PPP6R3: variants seen among roughly 807,000 people sequenced by gnomAD.
PPP6R3 encodes serine/threonine-protein phosphatase 6 regulatory subunit 3.
In PPP6R3, 38 loss-of-function variants were observed where a neutral mutation model predicts 110.7. The ratio of observed to expected loss-of-function variants is 0.34; its 90% confidence interval spans 0.26 to 0.45. The LOEUF (loss-of-function observed/expected upper bound fraction) is 0.45. Ranked by LOEUF, PPP6R3 falls within the 20% of genes least tolerant of loss-of-function variation. The pLI, the probability that PPP6R3 is intolerant of heterozygous loss-of-function variation, is 1.00. For missense variants in PPP6R3, 870 were observed against 1,062.4 expected (o/e 0.82, Z 2.52); for synonymous variants, 369 against 373.5 (o/e 0.99, Z 0.14).
intron 12 of PPP6R3, among the ~76,000 whole-genome samples, chr11:68,573,035 A>G (rs1349261850): frequency 6.8e-6 from 1 of 147,532 alleles, no homozygotes; most frequent in Non-Finnish European, 1.5e-5. Flanking sequence ...GCAGTCAAAA[A>G]TCTTTCGTTT....
intron 1 of PPP6R3, among the ~76,000 whole-genome samples, chr11:68,501,238 T>G (rs1481020775): frequency 6.6e-6 from 1 of 152,212 alleles, no homozygotes; most frequent in African/African-American, 2.4e-5. Flanking sequence ...TGTTCTCCAG[T>G]CTCTTTCTTT....
rs115175495 is a variant in PPP6R3, at chr11:68,548,849, G to C, written c.552+645G>C. Among the ~76,000 whole-genome samples, 1,176 of 152,158 alleles carry C rather than the reference G, an allele frequency of 7.7e-3. 18 individuals carry two copies. Among genetic ancestry groups the C allele is most frequent in the African/African-American group, 0.027 (1,112 of 41,508 alleles). ...AACTTGAAAATAAGGTTTCTCCCAG[G>C]CTCCCATCTCTGCCTTCTCTTCTTG... On this transcript the variant is annotated intron_variant, in intron 5 of 23. Transcript: ENST00000393800.
intron 8 of PPP6R3, among the ~76,000 whole-genome samples, chr11:68,562,003 G>A (rs1593180426): frequency 6.6e-6 from 1 of 151,164 alleles, no homozygotes; most frequent in East Asian, 1.9e-4. Context: ...GACTGCATCT[G>A]TTTACAGATG....
At chr11:68,527,799 C>T (rs2099208219) in intron 2 of PPP6R3, among the ~76,000 whole-genome samples, 1 of 152,232 alleles carries the variant, frequency 6.6e-6, no homozygotes, top group Non-Finnish European at 1.5e-5. Context: ...ATCCTACCAC[C>T]TACCCAAAGG....
At position 68,615,302 on chromosome 11, in the gene PPP6R3, C is replaced by CAAA. The variant is rs1945077345; in HGVS notation, c.*2188_*2190dup. Reference sequence around the variant, plus strand: ...AATACAATACCTGTATTCAAAATAACAAAAATAAAGCCTGATTCTTTGTTT... The same window carrying CAAA: ...AATACAATACCTGTATTCAAAATAACAAAAAAAATAAAGCCTGATTCTTTGTTT... On this transcript the variant is annotated 3_prime_UTR_variant, in exon 24 of 24. Transcript: ENST00000393800. 2.8e-6 allele frequency: 1 copy of CAAA among 352,832 alleles called. No individual in the cohort carries two copies. Among genetic ancestry groups the CAAA allele is most frequent in the Admixed American group, 3.8e-5 (1 of 26,468 alleles). The allele number at this position is 352,832 out of a possible 1,614,324, so 21.9% of individuals were successfully genotyped here. A position where few individuals can be genotyped will look rare whatever the true frequency, so the allele number is the denominator to read the frequency against.
In PPP6R3 at chr11:68,613,560, A is replaced by C; in HGVS notation, c.*443A>C. 1.0e-6 allele frequency: 1 copy of C among 986,258 alleles called. No individual in the cohort carries two copies. The allele number at this position is 986,258 out of a possible 1,614,324, so 61.1% of individuals were successfully genotyped here. On this transcript the variant is annotated 3_prime_UTR_variant, in exon 24 of 24. Coordinates refer to ENST00000393800, the MANE Select transcript of PPP6R3 (RefSeq NM_001164161.2). ...TCACCTTGTACAAAATTATGAATTC[A>C]TTTTTCCTCCAGGCCGACAAGGAGT... is the stretch of plus-strand genomic sequence containing the variant.
At chr11:68,600,303 G>A in intron 19 of PPP6R3, 38 bp from the exon 20 acceptor site, 2 of 1,592,568 alleles carry the variant, frequency 1.3e-6, no homozygotes, top group Non-Finnish European at 1.7e-6. Context: ...TGAAACGACT[G>A]AAGTGTTTTC....
chr11:68,609,823 A>ATCTGCATGTGACCTCATCC, intron 22 of PPP6R3, 81 bp from the exon 23 acceptor site: 1 of 1,600,032 alleles, frequency 6.2e-7, no homozygotes, highest in Non-Finnish European at 8.5e-7. Flanking sequence ...CTCCAGAGCC[A>ATCTGCATGTGACCTCATCC]TCTGCATGTG....
intron 23 of PPP6R3, among the ~76,000 whole-genome samples, chr11:68,610,959 C>T (rs1943117283): frequency 1.3e-5 from 2 of 151,730 alleles, no homozygotes; most frequent in African/African-American, 4.9e-5. Context: ...GTGTAGCAAG[C>T]TGTTTGTGTT....
At chr11:68,610,107 G>T in intron 23 of PPP6R3, 84 bp downstream of exon 23, 2 of 1,548,242 alleles carry the variant, frequency 1.3e-6, no homozygotes, top group Non-Finnish European at 1.7e-6. Context: ...GGACTATAGG[G>T]ATCGTTTACA....
intron 2 of PPP6R3, among the ~76,000 whole-genome samples, chr11:68,536,509 C>A (rs2099271784): frequency 6.6e-6 from 1 of 152,068 alleles, no homozygotes; most frequent in African/African-American, 2.4e-5. Context: ...AAGTGATGCT[C>A]CCGCCTTGTG....
intron 2 of PPP6R3, among the ~76,000 whole-genome samples, chr11:68,536,795 T>C (rs906811473): frequency 6.6e-6 from 1 of 152,194 alleles, no homozygotes; most frequent in Non-Finnish European, 1.5e-5. Context: ...GTTTAGGAAT[T>C]CTGCAGTGAG....
chr11:68,574,073 C>T (rs771314253), intron 12 of PPP6R3, 36 bp from the exon 13 acceptor site: 2 of 1,450,024 alleles, frequency 1.4e-6, no homozygotes, highest in Admixed American at 1.7e-5. Context: ...TTCATCCTAT[C>T]AGGAATCTGA....
Position 68,519,567 on chromosome 11 carries a change from A to T in PPP6R3, c.-91A>T, listed in dbSNP as rs1245524309. The T allele has an allele frequency of 2.5e-6, 1 of 398,440 alleles. No individual in the cohort carries two copies. Among genetic ancestry groups the T allele is most frequent in the Non-Finnish European group, 4.4e-6 (1 of 226,050 alleles). The allele number at this position is 398,440 out of a possible 1,614,324, so 24.7% of individuals were successfully genotyped here. ...ATCTGCTAATGCAGTAAATTGGAGG[A>T]AAACTGTTACCAGGATAACCTGTAA... On this transcript the variant is annotated 5_prime_UTR_variant, in exon 2 of 24. Coordinates refer to ENST00000393800, the MANE Select transcript of PPP6R3 (RefSeq NM_001164161.2).
chr11:68,574,109 G>A lies in PPP6R3; in HGVS notation c.1344G>A (p.Gln448=). The stretch of plus-strand genomic sequence containing the variant: ...GTATTTGTCCTTTACCTCTTGTCAG[G>A]GCTGAGGGAGGAAGACGGCATGGTT... ...LEAWEMNEKK[Q]AEGGRRHGYM... Residue 448 remains glutamine, a splice_region_variant and synonymous_variant, in exon 13 of 24, where the codon CAG becomes CAA. Transcript: ENST00000393800. 1.9e-6 allele frequency: 3 copies of A among 1,610,042 alleles called. No homozygotes were observed. The highest frequency in any genetic ancestry group is 2.6e-6 in the Non-Finnish European group (3 of 1,176,378).
chr11:68,511,574 G>C (rs778425715), intron 1 of PPP6R3, among the ~76,000 whole-genome samples: 1 of 149,338 alleles, frequency 6.7e-6, no homozygotes, highest in Admixed American at 6.7e-5. Flanking sequence ...TCTGCCTCCT[G>C]GGTTCAAGTG....
At chr11:68,501,712 T>C (rs2099049773) in intron 1 of PPP6R3, among the ~76,000 whole-genome samples, 1 of 152,266 alleles carries the variant, frequency 6.6e-6, no homozygotes, top group African/African-American at 2.4e-5. Flanking sequence ...TTTTAAAGTA[T>C]CATTCAACTT....
chr11:68,484,900 T>A (rs1025007190), intron 1 of PPP6R3, among the ~76,000 whole-genome samples: 1 of 152,182 alleles, frequency 6.6e-6, no homozygotes, highest in Non-Finnish European at 1.5e-5. Flanking sequence ...TTTATATATT[T>A]TTGGATAATA....
intron 21 of PPP6R3, among the ~76,000 whole-genome samples, chr11:68,603,027 C>G (rs2099636366): frequency 6.6e-6 from 1 of 152,084 alleles, no homozygotes; most frequent in Admixed American, 6.5e-5. Flanking sequence ...CTGCTCTGCC[C>G]CACACTGGAA....
Sources: allele counts gnomAD v4.1 joint callset (sites outside exome capture counted in the v4.1 genomes callset), GRCh38; gene constraint gnomAD v4.1.1; transcripts MANE v1.5; gene names NCBI Gene and HGNC (gene_info 2026-07-23, HGNC 2026-07-21).